The following DNAH8 variants were observed in gnomAD, a reference collection of about 807,000 sequenced individuals.
DNAH8 encodes the protein dynein axonemal heavy chain 8.
DNAH8 carries 382 observed loss-of-function variants against 562.1 expected under a neutral mutation model. The observed-to-expected ratio is 0.68, with a 90% confidence interval of 0.63 to 0.74. The LOEUF is 0.74. Ranked by LOEUF, DNAH8 falls within the 30% of genes least tolerant of loss-of-function variation. The probability of loss-of-function intolerance (pLI) is 0.00; values close to 1 mark genes in which losing one functional copy is unlikely to be tolerated. For synonymous variants in DNAH8, 1,881 were observed against 1,919.4 expected (o/e 0.98, Z 0.52); for missense variants, 5,203 against 5,620.4 (o/e 0.93, Z 2.37).
rs557113533 is a variant in DNAH8 at position 38,863,164 on chromosome 6, C to T, written c.6310+706C>T. Reference sequence around the variant, plus strand: ...TTAAAACCAAACTCCCGGCCGGGCACGGCTCACGCTTGTAATCCCAGCACT... The same window carrying T: ...TTAAAACCAAACTCCCGGCCGGGCATGGCTCACGCTTGTAATCCCAGCACT... On this transcript the variant is annotated intron_variant, in intron 44 of 92. Coordinates refer to ENST00000327475, the MANE Select transcript of DNAH8 (RefSeq NM_001206927.2). Among the ~76,000 whole-genome samples, 67 of 152,176 alleles carry T rather than the reference C, an allele frequency of 4.4e-4. 1 individual carries two copies. Among genetic ancestry groups the T allele is most frequent in the Admixed American group, 4.0e-3 (61 of 15,286 alleles).
At chr6:39,027,140 T>C (rs1206598067) in intron 92 of DNAH8, among the ~76,000 whole-genome samples, 2 of 151,798 alleles carry the variant, frequency 1.3e-5, no homozygotes, top group Non-Finnish European at 2.9e-5. Context: ...GAGGATGAGG[T>C]GGGAGGATTG....
At chr6:38,883,115 C>T in intron 54 of DNAH8, 63 bp downstream of exon 54, 1 of 1,422,900 alleles carries the variant, frequency 7.0e-7, no homozygotes, top group South Asian at 1.6e-5. Context: ...GAATATGCAC[C>T]CATATTTTCT....
At chr6:38,962,003 A>T (rs1210441689) in intron 82 of DNAH8, among the ~76,000 whole-genome samples, 1 of 151,976 alleles carries the variant, frequency 6.6e-6, no homozygotes, top group Non-Finnish European at 1.5e-5. Flanking sequence ...TTACAAGATA[A>T]ATATATAAAA....
chr6:38,770,488 G>A lies in DNAH8; in HGVS notation c.1693G>A (p.Glu565Lys). Residue 565 changes from glutamate to lysine, a missense_variant, in exon 12 of 93, where the codon GAA becomes AAA. This residue lies in a region of DNAH8 where 2,176 missense variants were observed against 2,365.1 expected (regional missense o/e 0.92). Coordinates refer to ENST00000327475, the MANE Select transcript of DNAH8 (RefSeq NM_001206927.2). ...TRKLISESSGEKSFEVSEMYI... is the reference protein window; with the variant it reads ...TRKLISESSGKKSFEVSEMYI... ...GAAACTGATTTCAGAATCCTCAGGGGAAAAATCTTTTGAGGTTTCAGAAAT... is the reference window on the plus strand; with the variant it reads ...GAAACTGATTTCAGAATCCTCAGGGAAAAAATCTTTTGAGGTTTCAGAAAT... The A allele has an allele frequency of 1.9e-6, 3 of 1,607,246 alleles. No individual in the cohort carries two copies. Among genetic ancestry groups the A allele is most frequent in the Non-Finnish European group, 2.5e-6 (3 of 1,177,638 alleles).
At chr6:38,843,330 C>G (rs1345066914) in intron 35 of DNAH8, among the ~76,000 whole-genome samples, 1 of 150,640 alleles carries the variant, frequency 6.6e-6, no homozygotes, top group Non-Finnish European at 1.5e-5. Context: ...TTAATTCATT[C>G]TTTTTTGTGG....
At position 38,883,529 on chromosome 6, in the gene DNAH8, C is replaced by T. The variant is rs62398567; in HGVS notation, c.8136+73C>T. On this transcript the variant is annotated intron_variant, in intron 55 of 92. Transcript: ENST00000327475. ...ATTAGTGGTTACAATAAAATGTGTA[C>T]GCATATAAAATGTGAAAATATTATA... 0.19 allele frequency: 269,852 copies of T among 1,410,586 alleles called. 28,377 individuals are homozygous for T. The highest frequency in any genetic ancestry group is 0.21 in the Non-Finnish European group (222,116 of 1,040,322). 87.4% of individuals were successfully genotyped at this position (1,410,586 alleles called of 1,614,324 possible).
chr6:38,974,224 A>G (rs1012055531), intron 84 of DNAH8, 150 bp from the exon 85 acceptor site: 1 of 649,268 alleles, frequency 1.5e-6, no homozygotes. Flanking sequence ...TCATATAACA[A>G]TTTAATGCTA....
chr6:38,801,837 A>G (rs989621632), intron 21 of DNAH8, among the ~76,000 whole-genome samples: 11 of 152,236 alleles, frequency 7.2e-5, no homozygotes, highest in African/African-American at 2.7e-4. Flanking sequence ...TGGGGGCAAA[A>G]CATGGGGAAT....
rs1023579254 is a variant in DNAH8, at chr6:38,932,103, T to C, written c.11457+110T>C. On this transcript the variant is annotated intron_variant, in intron 76 of 92. Coordinates refer to ENST00000327475, the MANE Select transcript of DNAH8 (RefSeq NM_001206927.2). ...AAAAAAAATTTAAAAACCATATTTA[T>C]CCTTGTTAACATAAGTATTTCTTTT... 4.2e-5 allele frequency: 33 copies of C among 785,334 alleles called. No individual in the cohort carries two copies. In the African/African-American group the frequency reaches 5.4e-4, roughly 13 times the overall value. The allele number at this position is 785,334 out of a possible 1,614,324, so 48.6% of individuals were successfully genotyped here.
chr6:38,823,739 GTTACT>G (rs1562909741), intron 28 of DNAH8, 51 bp downstream of exon 28: 1 of 1,357,618 alleles, frequency 7.4e-7, no homozygotes, highest in Admixed American at 2.0e-5. Flanking sequence ...CACATGAAGT[GTTACT>G]TTATTTAGCA....
intron 14 of DNAH8, among the ~76,000 whole-genome samples, chr6:38,778,754 A>G (rs1768301064): frequency 6.6e-6 from 1 of 152,156 alleles, no homozygotes; most frequent in Non-Finnish European, 1.5e-5. Context: ...GGTTAATTTT[A>G]TAGGTATTGT....
chr6:38,815,341 C>T (rs1427521254), intron 25 of DNAH8, 127 bp from the exon 26 acceptor site: 2 of 610,464 alleles, frequency 3.3e-6, no homozygotes, highest in Non-Finnish European at 5.6e-6. Context: ...ATCATTCTCC[C>T]CCTCAAATCA....
At chr6:38,774,505 C>T (rs1049519008) in intron 12 of DNAH8, among the ~76,000 whole-genome samples, 1 of 152,154 alleles carries the variant, frequency 6.6e-6, no homozygotes, top group Non-Finnish European at 1.5e-5. Flanking sequence ...TTATGTTGCT[C>T]TGTGTGGTAT....
At chr6:38,777,930 C>T (rs1382894648) in intron 13 of DNAH8, among the ~76,000 whole-genome samples, 1 of 152,142 alleles carries the variant, frequency 6.6e-6, no homozygotes, top group Non-Finnish European at 1.5e-5. Context: ...TTTGTAAATT[C>T]TCTAGATCAG....
Position 38,848,723 on chromosome 6 carries a change from G to C in DNAH8, c.5121G>C (p.Glu1707Asp), listed in dbSNP as rs774592715. ...KLSTSSDIIE[E>D]WLVVQNLWVY... ...CCACTTCCTCAGATATAATTGAAGAGTGGCTCGTAGTACAGAACCTTTGGG... is the reference window on the plus strand; with the variant it reads ...CCACTTCCTCAGATATAATTGAAGACTGGCTCGTAGTACAGAACCTTTGGG... The change falls in exon 37 of 93, where the codon GAG (glutamate) becomes GAC (aspartate). Residue 1707 changes from glutamate to aspartate, a missense_variant. By Grantham distance (45) the Glu-to-Asp change is conservative. Transcript: ENST00000327475. 1 of 1,613,016 alleles carries C rather than the reference G, an allele frequency of 6.2e-7. No individual in the cohort carries two copies. Among genetic ancestry groups the C allele is most frequent in the South Asian group, 1.1e-5 (1 of 91,032 alleles).
intron 14 of DNAH8, 74 bp downstream of exon 14, chr6:38,778,538 G>T: frequency 1.1e-6 from 1 of 933,164 alleles, no homozygotes; most frequent in South Asian, 1.6e-5. Flanking sequence ...TTTCAAATTA[G>T]GATGTTGTTG....
At chr6:38,856,751 T>C (rs1776233830) in intron 41 of DNAH8, among the ~76,000 whole-genome samples, 4 of 152,166 alleles carry the variant, frequency 2.6e-5, no homozygotes, top group African/African-American at 9.7e-5. Flanking sequence ...GTTGAGCCCA[T>C]GCCAAGCAGT....
intron 76 of DNAH8, among the ~76,000 whole-genome samples, chr6:38,932,627 G>C (rs912896554): frequency 2.6e-5 from 4 of 152,080 alleles, no homozygotes; most frequent in Non-Finnish European, 1.5e-5. Flanking sequence ...AAGTACATTT[G>C]CATAAAATAT....
At chr6:38,978,683 T>C (rs9470956) in intron 85 of DNAH8, among the ~76,000 whole-genome samples, 42,459 of 152,084 alleles carry the variant, frequency 0.28, 6,144 homozygotes, top group Middle Eastern at 0.34. Flanking sequence ...AGCTGTGAAA[T>C]GATTCTGCAG....
Sources: gnomAD v4.1 joint callset for allele counts (sites outside exome capture counted in the v4.1 genomes callset) on GRCh38, gnomAD v4.1.1 for gene constraint, gnomAD v4.1.1 regional missense constraint, MANE v1.5 for transcripts, NCBI Gene and HGNC (gene_info 2026-07-23, HGNC 2026-07-21) for gene names.